TENM2: variants seen among roughly 807,000 people sequenced by gnomAD.
TENM2 encodes teneurin-2.
Under a neutral mutation model 245.2 loss-of-function variants are expected in TENM2, and 52 were observed. That is an observed-to-expected ratio of 0.21 (90% CI 0.17 to 0.27). The LOEUF (loss-of-function observed/expected upper bound fraction) is 0.27, where lower values mean the gene tolerates loss of function less well. Among genes scored for constraint, TENM2 ranks in the 10% least tolerant of loss-of-function variants. The pLI is 1.00. For synonymous variants in TENM2, 1,363 were observed against 1,438.9 expected (o/e 0.95, Z 1.19); for missense variants, 3,046 against 3,666.8 (o/e 0.83, Z 4.37).
chr5:167,526,143 G>A lies in TENM2; in HGVS notation c.502+150670G>A, dbSNP rs1035696826. On this transcript the variant is annotated intron_variant, in intron 2 of 28. Transcript: ENST00000518659. ...TAAAAATAAGAATAAAATATAAAGC[G>A]CCCCCAATATTTGCATAGCAATGTC... is the stretch of plus-strand genomic sequence containing the variant. 1.3e-4 allele frequency among the ~76,000 whole-genome samples: 20 copies of A among 151,638 alleles called. No individual in the cohort carries two copies. In the East Asian group the frequency reaches 1.4e-3, roughly 10 times the overall value.
At chr5:167,609,081 A>G (rs770038965) in intron 2 of TENM2, among the ~76,000 whole-genome samples, 1 of 152,114 alleles carries the variant, frequency 6.6e-6, no homozygotes, top group Non-Finnish European at 1.5e-5. Flanking sequence ...TGAAGTAGGT[A>G]AAGAATAGGT....
the TENM2 span, among the ~76,000 whole-genome samples, chr5:167,128,427 G>A: frequency 4.0e-5 from 6 of 151,898 alleles, no homozygotes; most frequent in Admixed American, 1.3e-4. Context: ...AAACTCAGAC[G>A]GCTGATTCAG....
chr5:167,135,076 A>G, the TENM2 span, among the ~76,000 whole-genome samples: 3 of 152,058 alleles, frequency 2.0e-5, no homozygotes, highest in South Asian at 2.1e-4. Context: ...TGCTGGGGGA[A>G]TTTAGCTAAA....
chr5:167,950,218 C>A (rs1016400939), intron 3 of TENM2, among the ~76,000 whole-genome samples: 1 of 152,182 alleles, frequency 6.6e-6, no homozygotes, highest in Non-Finnish European at 1.5e-5. Context: ...GCACCCAGGT[C>A]GGTGCTTCTC....
chr5:167,017,255 A>G, the TENM2 span, among the ~76,000 whole-genome samples: 1 of 152,192 alleles, frequency 6.6e-6, no homozygotes. Flanking sequence ...TCATTTCAGA[A>G]GCCCAAGCTT....
chr5:167,668,097 C>G (rs1447200289), intron 2 of TENM2, among the ~76,000 whole-genome samples: 1 of 152,136 alleles, frequency 6.6e-6, no homozygotes, highest in African/African-American at 2.4e-5. Context: ...ATCTGGTGTT[C>G]TCACCTTTGA....
At chr5:168,189,236 G>A (rs935565899) in intron 13 of TENM2, among the ~76,000 whole-genome samples, 2 of 152,198 alleles carry the variant, frequency 1.3e-5, no homozygotes, top group African/African-American at 4.8e-5. Flanking sequence ...GAACTTCGAA[G>A]GATCACAGAC....
intron 1 of TENM2, among the ~76,000 whole-genome samples, chr5:167,370,184 T>C (rs1210029102): frequency 6.6e-6 from 1 of 151,584 alleles, no homozygotes; most frequent in Non-Finnish European, 1.5e-5. Flanking sequence ...CTACTAAAAA[T>C]ACAAAAAATT....
intron 2 of TENM2, among the ~76,000 whole-genome samples, chr5:167,438,859 T>C (rs1764726465): frequency 6.6e-6 from 1 of 151,952 alleles, no homozygotes. Context: ...AATGGCACGA[T>C]CTCAGCTCAC....
At chr5:167,197,492 A>G in the TENM2 span, among the ~76,000 whole-genome samples, 1 of 152,086 alleles carries the variant, frequency 6.6e-6, no homozygotes, top group East Asian at 1.9e-4. Context: ...AGGCTTCTTT[A>G]TACTTTTTCC....
chr5:167,619,254 T>C (rs997749996), intron 2 of TENM2, among the ~76,000 whole-genome samples: 19 of 152,300 alleles, frequency 1.2e-4, no homozygotes, highest in Admixed American at 7.8e-4. Context: ...TGAAAAGACA[T>C]GTATAACTGA....
chr5:167,552,778 A>G (rs1773035250), intron 2 of TENM2, among the ~76,000 whole-genome samples: 1 of 152,176 alleles, frequency 6.6e-6, no homozygotes, highest in Non-Finnish European at 1.5e-5. Context: ...GTAATAGATA[A>G]CTAGAGGAGT....
intron 2 of TENM2, among the ~76,000 whole-genome samples, chr5:167,861,684 T>G (rs1771825154): frequency 6.6e-6 from 1 of 152,194 alleles, no homozygotes; most frequent in East Asian, 1.9e-4. Context: ...ACACTGTAAT[T>G]TTATCAACTC....
At chr5:167,302,872 A>G (rs1264498396) in intron 1 of TENM2, among the ~76,000 whole-genome samples, 3 of 152,158 alleles carry the variant, frequency 2.0e-5, no homozygotes, top group Admixed American at 6.5e-5. Context: ...CCTCTGAAAC[A>G]TGGGTAAATA....
intron 2 of TENM2, among the ~76,000 whole-genome samples, chr5:167,533,932 T>A (rs978735705): frequency 1.3e-5 from 2 of 152,196 alleles, no homozygotes; most frequent in African/African-American, 4.8e-5. Context: ...CTGTCACTTG[T>A]TAGACTTGTG....
the TENM2 span, among the ~76,000 whole-genome samples, chr5:167,166,013 A>G: frequency 1.3e-5 from 2 of 152,194 alleles, no homozygotes; most frequent in Non-Finnish European, 2.9e-5. Flanking sequence ...TTGTATGAAT[A>G]TTCATATATT....
chr5:167,465,705 C>T (rs1766602565), intron 2 of TENM2, among the ~76,000 whole-genome samples: 1 of 152,170 alleles, frequency 6.6e-6, no homozygotes, highest in African/African-American at 2.4e-5. Flanking sequence ...GTGGCGGGCG[C>T]CTGTAGTCCC....
Position 167,411,909 on chromosome 5 carries a change from C to T in TENM2, c.502+36436C>T, listed in dbSNP as rs199886603. 1.5e-4 allele frequency among the ~76,000 whole-genome samples: 23 copies of T among 151,790 alleles called. No individual in the cohort carries two copies. The East Asian group carries it at 2.3e-3, about 15-fold the overall frequency. On this transcript the variant is annotated intron_variant, in intron 2 of 28. Coordinates refer to ENST00000518659, the Ensembl canonical transcript of TENM2. ...GACTGCTGATCAAACTACATGTGTG[C>T]GGAAAAGGACAAAAGATAGAAATGT...
chr5:167,175,765 C>G, the TENM2 span, among the ~76,000 whole-genome samples: 3 of 152,252 alleles, frequency 2.0e-5, no homozygotes, highest in African/African-American at 7.2e-5. Flanking sequence ...TGGAATGCAG[C>G]TGCATGCAAT....
Sources: gnomAD v4.1 joint callset for allele counts (sites outside exome capture counted in the v4.1 genomes callset) on GRCh38, gnomAD v4.1.1 for gene constraint, MANE v1.5 for transcripts, NCBI Gene and HGNC (gene_info 2026-07-23, HGNC 2026-07-21) for gene names.